Variants in ST7 observed in about 807,000 individuals in gnomAD.
The protein encoded by ST7 is suppressor of tumorigenicity 7 protein.
A neutral mutation model predicts 78.7 loss-of-function variants in ST7; 28 were observed. The observed-to-expected ratio is 0.36, with a 90% CI of 0.26 to 0.49. The LOEUF is 0.49. Among genes scored for constraint, ST7 ranks in the 20% least tolerant of loss-of-function variants. The probability of loss-of-function intolerance (pLI) is 0.99; values close to 1 mark genes in which losing one functional copy is unlikely to be tolerated. For missense variants in ST7, 418 were observed against 696.0 expected (o/e 0.60, Z 4.49); for synonymous variants, 247 against 249.6 (o/e 0.99, Z 0.10).
At chr7:117,143,750 G>A (rs910870773) in intron 9 of ST7, among the ~76,000 whole-genome samples, 1 of 152,138 alleles carries the variant, frequency 6.6e-6, no homozygotes, top group African/African-American at 2.4e-5. Flanking sequence ...AGGATTAAAC[G>A]GGATAATTCA....
intron 13 of ST7, among the ~76,000 whole-genome samples, chr7:117,214,293 C>T (rs1792517075): frequency 6.6e-6 from 1 of 151,998 alleles, no homozygotes; most frequent in Admixed American, 6.6e-5. Flanking sequence ...TAGAGATCCC[C>T]CCGCCCCAAA....
At chr7:117,222,771 G>A (rs1181198884) in intron 15 of ST7, 1 of 999,042 alleles carries the variant, frequency 1.0e-6, no homozygotes, top group Admixed American at 1.7e-5. Context: ...AGTATCAATT[G>A]TTTCCCTGGA....
intron 1 of ST7, among the ~76,000 whole-genome samples, chr7:117,068,269 G>A (rs527547253): frequency 2.2e-4 from 34 of 151,316 alleles, no homozygotes; most frequent in African/African-American, 8.2e-4. Context: ...TTTATAAGAA[G>A]CATTTCCTTT....
chr7:117,099,851 G>A lies in ST7; in HGVS notation c.234+7G>A, dbSNP rs1182226961. Reference sequence around the variant, plus strand: ...AATATCAGGGCTTATTTTGGTAAGTGGTGGAGTCCTTCTCATTTAAAAACA... The same window carrying A: ...AATATCAGGGCTTATTTTGGTAAGTAGTGGAGTCCTTCTCATTTAAAAACA... On this transcript the variant is annotated splice_region_variant and intron_variant, in intron 2 of 15. Coordinates refer to ENST00000323984, the MANE Select transcript of ST7 (RefSeq NM_001369598.1). 3 of 1,608,982 alleles carry A rather than the reference G, an allele frequency of 1.9e-6. No individual in the cohort carries two copies. The highest frequency in any genetic ancestry group is 1.7e-6 in the Non-Finnish European group (2 of 1,176,680).
intron 1 of ST7, among the ~76,000 whole-genome samples, chr7:117,051,273 C>T (rs1280947561): frequency 6.6e-6 from 1 of 152,152 alleles, no homozygotes. Context: ...ATGTATTTAC[C>T]TAATAGGGTG....
chr7:117,127,706 T>C (rs532471477), intron 3 of ST7, among the ~76,000 whole-genome samples: 28 of 152,072 alleles, frequency 1.8e-4, no homozygotes, highest in African/African-American at 6.7e-4. Context: ...GATTTCTTTT[T>C]AAGCTCAGTT....
At chr7:116,967,158 A>G (rs1037318597) in intron 1 of ST7, 8 of 244,468 alleles carry the variant, frequency 3.3e-5, no homozygotes, top group African/African-American at 1.8e-4. Flanking sequence ...AATAACTCAT[A>G]TAAACCTGGG....
At position 117,230,032 on chromosome 7, in the gene ST7, T is replaced by G. The variant is rs528873997; in HGVS notation, c.*175T>G. On this transcript the variant is annotated 3_prime_UTR_variant, in exon 16 of 16. Coordinates refer to ENST00000323984, the MANE Select transcript of ST7 (RefSeq NM_001369598.1). ...GTTTTTGTTGTACAAAATTCACTGATGTTCAGTTCTATTTTATTTTGCCTT... is the reference window on the plus strand; with the variant it reads ...GTTTTTGTTGTACAAAATTCACTGAGGTTCAGTTCTATTTTATTTTGCCTT... 58 of 737,860 alleles carry G rather than the reference T, an allele frequency of 7.9e-5. 2 individuals carry two copies. The South Asian group carries it at 8.3e-4, about 11-fold the overall frequency. 45.7% of individuals were successfully genotyped at this position (737,860 alleles called of 1,614,324 possible). A position where few individuals can be genotyped will look rare whatever the true frequency, so the allele number is the denominator to read the frequency against.
intron 1 of ST7, chr7:116,959,047 T>C (rs1792683676): frequency 2.5e-6 from 1 of 396,576 alleles, no homozygotes; most frequent in South Asian, 1.9e-5. Context: ...TCTGATAGCA[T>C]TTTACCCACA....
At chr7:116,972,073 C>T in intron 1 of ST7, 1 of 498,672 alleles carries the variant, frequency 2.0e-6, no homozygotes, top group South Asian at 1.6e-5. Context: ...AGTTAAAGAT[C>T]AGTCCTCAGT....
intron 3 of ST7, among the ~76,000 whole-genome samples, chr7:117,121,282 G>T (rs1426957266): frequency 3.9e-5 from 6 of 152,114 alleles, no homozygotes; most frequent in African/African-American, 9.7e-5. Flanking sequence ...CTTTGGTGAG[G>T]TCTCTTTTCC....
intron 1 of ST7, among the ~76,000 whole-genome samples, chr7:117,003,180 T>C (rs528774565): frequency 6.6e-6 from 1 of 152,162 alleles, no homozygotes; most frequent in South Asian, 2.1e-4. Context: ...AGACAAGGTC[T>C]TACTCTGTCG....
chr7:117,141,283 A>G (rs376188643), intron 9 of ST7, among the ~76,000 whole-genome samples: 5 of 152,206 alleles, frequency 3.3e-5, no homozygotes, highest in Non-Finnish European at 7.3e-5. Flanking sequence ...CCATGTAGAA[A>G]GCAGAATCGT....
At position 117,222,149 on chromosome 7, in the gene ST7, T is replaced by C; in HGVS notation, c.1638+87T>C. 7 of 1,451,806 alleles carry C rather than the reference T, an allele frequency of 4.8e-6. No individual in the cohort carries two copies. In the South Asian group the frequency reaches 9.8e-5, roughly 20 times the overall value. The allele number at this position is 1,451,806 out of a possible 1,614,324, so 89.9% of individuals were successfully genotyped here. On this transcript the variant is annotated intron_variant, in intron 15 of 15. Transcript: ENST00000323984. ...CAGCGTGAGAGAAATGGGGTTGCCT[T>C]ACAGAAATGGGTACGAGCCTGCAAA...
At chr7:116,964,597 A>G (rs1319274585) in intron 1 of ST7, among the ~76,000 whole-genome samples, 1 of 152,208 alleles carries the variant, frequency 6.6e-6, no homozygotes. Flanking sequence ...AAAACAAATT[A>G]TACTTTTTTC....
intron 1 of ST7, among the ~76,000 whole-genome samples, chr7:117,050,928 C>A (rs1441886746): frequency 1.2e-4 from 13 of 112,144 alleles, no homozygotes; most frequent in African/African-American, 3.6e-4. Flanking sequence ...GACTACGTCT[C>A]AAAAAAAAAA....
chr7:117,159,620 G>A (rs1010743730), intron 9 of ST7, among the ~76,000 whole-genome samples: 1 of 152,064 alleles, frequency 6.6e-6, no homozygotes, highest in African/African-American at 2.4e-5. Flanking sequence ...TGGGGACTGT[G>A]GTCTTTTTGT....
intron 1 of ST7, among the ~76,000 whole-genome samples, chr7:117,015,897 G>A (rs1469591168): frequency 1.3e-5 from 2 of 152,158 alleles, no homozygotes; most frequent in African/African-American, 4.8e-5. Context: ...TTCATACCCA[G>A]TGTAATATAA....
At chr7:117,123,122 A>G (rs1223169461) in intron 3 of ST7, among the ~76,000 whole-genome samples, 1 of 152,168 alleles carries the variant, frequency 6.6e-6, no homozygotes, top group African/African-American at 2.4e-5. Context: ...CATGGCTCAC[A>G]AAGTCTCATG....
Sources: gnomAD v4.1 joint callset for allele counts (sites outside exome capture counted in the v4.1 genomes callset) on GRCh38, gnomAD v4.1.1 for gene constraint, MANE v1.5 for transcripts, NCBI Gene and HGNC (gene_info 2026-07-23, HGNC 2026-07-21) for gene names.